WDR49: variants seen among roughly 807,000 people sequenced by gnomAD.
WDR49 encodes cilia- and flagella-associated protein 337.
Under a neutral mutation model 119.5 loss-of-function variants are expected in WDR49, and 107 were observed. The ratio of observed to expected loss-of-function variants is 0.90; its 90% CI spans 0.77 to 1.05. The LOEUF (loss-of-function observed/expected upper bound fraction) is 1.05, where lower values mean the gene tolerates loss of function less well. Among genes scored for constraint, WDR49 ranks in the 50% least tolerant of loss-of-function variants. The pLI is 0.00. For missense variants in WDR49, 1,240 were observed against 1,220.5 expected, an observed-to-expected ratio of 1.02 and a Z score of -0.24; for synonymous variants, 425 against 418.8, an observed-to-expected ratio of 1.01 and a Z score of -0.18.
intron 8 of WDR49, among the ~76,000 whole-genome samples, chr3:167,569,680 CA>C (rs199809894): frequency 0.085 from 8,200 of 96,634 alleles, 370 homozygotes; most frequent in East Asian, 0.17. Flanking sequence ...CTGGACACAG[CA>C]AAAAAAAAAA....
At chr3:167,633,088 CGTGTGTGT>C (rs3061397) in intron 2 of WDR49, among the ~76,000 whole-genome samples, 197 of 147,078 alleles carry the variant, frequency 1.3e-3, no homozygotes, top group Non-Finnish European at 2.4e-3. Context: ...TAGCCAAACT[CGTGTGTGT>C]GTGTGTGTGT....
rs922825350 is a variant in WDR49 at position 167,576,054 on chromosome 3, T to C, written c.1373A>G (p.Asp458Gly). 2 of 1,614,058 alleles carry C rather than the reference T, an allele frequency of 1.2e-6. No homozygotes were observed. The highest frequency in any genetic ancestry group is 1.1e-5 in the South Asian group (1 of 91,088). ...SQDFRCLFHF[D>G]EAHGRLFISF... Reference sequence around the variant, plus strand: ...GATGAAAAGTCGTCCATGGGCTTCATCAAAGTGGAAGAGACATCTGAAGTC... The same window carrying C: ...GATGAAAAGTCGTCCATGGGCTTCACCAAAGTGGAAGAGACATCTGAAGTC... The change falls in exon 8 of 19, where the codon GAT becomes GGT. Residue 458 changes from aspartate (D) to glycine (G), a missense_variant. Physicochemically the swap from Asp to Gly is moderately conservative, Grantham distance 94. Transcript: ENST00000682715.
chr3:167,604,602 A>G, intron 5 of WDR49, 134 bp from the exon 6 acceptor site: 1 of 869,694 alleles, frequency 1.1e-6, no homozygotes, highest in Non-Finnish European at 1.7e-6. Flanking sequence ...TACTTAAAAA[A>G]CACCTCACAA....
chr3:167,574,348 G>T (rs1714119251), intron 8 of WDR49, among the ~76,000 whole-genome samples: 1 of 152,160 alleles, frequency 6.6e-6, no homozygotes, highest in Admixed American at 6.6e-5. Flanking sequence ...ATGGGAATGT[G>T]AGTGATATTT....
At chr3:167,590,557 T>A (rs563936603) in intron 7 of WDR49, among the ~76,000 whole-genome samples, 3 of 152,068 alleles carry the variant, frequency 2.0e-5, no homozygotes, top group African/African-American at 7.2e-5. Flanking sequence ...GAGAGGCTTT[T>A]AACTATGGCT....
At chr3:167,568,106 C>A (rs944525142) in intron 8 of WDR49, among the ~76,000 whole-genome samples, 18 of 152,090 alleles carry the variant, frequency 1.2e-4, no homozygotes, top group African/African-American at 4.3e-4. Flanking sequence ...TCCTTTGTGG[C>A]GTTTTTCTTT....
At position 167,585,011 on chromosome 3, in the gene WDR49, C is replaced by A. The variant is rs73029927; in HGVS notation, c.1276-8860G>T. Among the ~76,000 whole-genome samples the A allele has an allele frequency of 3.8e-3, 572 of 151,920 alleles. 1 individual carries two copies. The highest frequency in any genetic ancestry group is 0.013 in the African/African-American group (545 of 41,478). On this transcript the variant is annotated intron_variant, in intron 7 of 18. Coordinates refer to ENST00000682715, the MANE Select transcript of WDR49 (RefSeq NM_001366157.1). ...TTGCAAATATTTTGCCTCTTTAGAG[C>A]ACACATTTTTAAATTTTGTTTTTTT...
intron 5 of WDR49, among the ~76,000 whole-genome samples, chr3:167,617,958 T>C (rs1716681894): frequency 2.0e-5 from 3 of 152,202 alleles, no homozygotes; most frequent in Admixed American, 2.0e-4. Context: ...TCTGTCCAAG[T>C]TTCCTCAAAA....
intron 16 of WDR49, among the ~76,000 whole-genome samples, chr3:167,506,431 G>A (rs1361277586): frequency 2.6e-5 from 4 of 151,894 alleles, no homozygotes; most frequent in African/African-American, 4.8e-5. Context: ...TATTTTTACC[G>A]TATCTTCCAA....
intron 12 of WDR49, among the ~76,000 whole-genome samples, chr3:167,532,651 C>T (rs564439849): frequency 6.6e-6 from 1 of 152,086 alleles, no homozygotes; most frequent in South Asian, 2.1e-4. Context: ...TCAGAAATAC[C>T]AATGTAGCAT....
intron 2 of WDR49, among the ~76,000 whole-genome samples, chr3:167,633,088 CGTGT>C (rs3061397): frequency 0.27 from 39,008 of 146,914 alleles, 5,169 homozygotes; most frequent in African/African-American, 0.33. Context: ...TAGCCAAACT[CGTGT>C]GTGTGTGTGT....
chr3:167,512,366 C>T (rs1056440579), intron 16 of WDR49, among the ~76,000 whole-genome samples: 1 of 152,088 alleles, frequency 6.6e-6, no homozygotes, highest in Non-Finnish European at 1.5e-5. Context: ...AGAAGAGGAG[C>T]TCTACAGAAG....
intron 2 of WDR49, among the ~76,000 whole-genome samples, chr3:167,641,974 C>A (rs1376462999): frequency 6.6e-6 from 1 of 150,978 alleles, no homozygotes; most frequent in African/African-American, 2.4e-5. Flanking sequence ...ATTTAAAAAA[C>A]AAAACCACAG....
chr3:167,594,186 G>A (rs532137442), intron 7 of WDR49, among the ~76,000 whole-genome samples: 24 of 152,262 alleles, frequency 1.6e-4, no homozygotes, highest in African/African-American at 4.3e-4. Flanking sequence ...ACTGGGTAAC[G>A]GGCAAAAGTT....
At chr3:167,554,056 C>T (rs1712756926) in intron 10 of WDR49, among the ~76,000 whole-genome samples, 1 of 151,980 alleles carries the variant, frequency 6.6e-6, no homozygotes, top group Non-Finnish European at 1.5e-5. Flanking sequence ...ATTTTCAAAA[C>T]ATATCACACT....
At chr3:167,516,368 C>A (rs1278412938) in intron 16 of WDR49, among the ~76,000 whole-genome samples, 1 of 151,064 alleles carries the variant, frequency 6.6e-6, no homozygotes, top group Admixed American at 6.6e-5. Context: ...TTTGTCCTTG[C>A]AATAGTTTGC....
chr3:167,567,746 C>T (rs1406536737), intron 8 of WDR49, among the ~76,000 whole-genome samples: 1 of 152,108 alleles, frequency 6.6e-6, no homozygotes, highest in Non-Finnish European at 1.5e-5. Context: ...CACTTTGATG[C>T]CTTTAGTCTT....
intron 5 of WDR49, among the ~76,000 whole-genome samples, chr3:167,608,355 T>C (rs1241288933): frequency 6.6e-6 from 1 of 152,242 alleles, no homozygotes; most frequent in Non-Finnish European, 1.5e-5. Context: ...TACTTCGTCA[T>C]GTGTTTCCCC....
At chr3:167,619,205 T>C (rs1010841091) in intron 5 of WDR49, among the ~76,000 whole-genome samples, 1 of 152,150 alleles carries the variant, frequency 6.6e-6, no homozygotes. Context: ...TATAATCTAG[T>C]CTTTGGCATA....
Sources: allele counts gnomAD v4.1 joint callset (sites outside exome capture counted in the v4.1 genomes callset), GRCh38; gene constraint gnomAD v4.1.1; transcripts MANE v1.5; gene names NCBI Gene and HGNC (gene_info 2026-07-23, HGNC 2026-07-21).